Variants in TTC7A observed in about 807,000 individuals in gnomAD.
The protein encoded by TTC7A is tetratricopeptide repeat domain 7A.
Under a neutral mutation model 103.7 loss-of-function variants are expected in TTC7A, and 110 were observed. The observed-to-expected ratio is 1.06, with a 90% CI of 0.91 to 1.24. The LOEUF (loss-of-function observed/expected upper bound fraction) is 1.24. TTC7A is among the 50% of genes most tolerant of loss of function. TTC7A has a pLI of 0.00. For missense variants in TTC7A, 1,340 were observed against 1,116.3 expected (o/e 1.20, Z -2.86); for synonymous variants, 521 against 467.9 (o/e 1.11, Z -1.47).
At chr2:47,058,397 C>G (rs1271853351) in intron 18 of TTC7A, among the ~76,000 whole-genome samples, 11 of 152,206 alleles carry the variant, frequency 7.2e-5, no homozygotes. Context: ...GCTAAGTACC[C>G]CAGTGCCTGT....
intron 2 of TTC7A, among the ~76,000 whole-genome samples, chr2:46,919,403 C>A (rs1175571857): frequency 6.6e-6 from 1 of 152,080 alleles, no homozygotes; most frequent in Non-Finnish European, 1.5e-5. Flanking sequence ...TGTGGTGACG[C>A]ATGCTTGTAA....
In TTC7A at chr2:47,041,070, G is replaced by A. The variant is rs11895095; in HGVS notation, c.1803-5245G>A. The stretch of plus-strand genomic sequence containing the variant: ...GCCTTGCCCAGTGACTGTCCCCTGG[G>A]ATGGAGGCCCTCCACCCCCACCCCA... On this transcript the variant is annotated intron_variant, in intron 15 of 19. Transcript: ENST00000319190. Among the ~76,000 whole-genome samples, 1,130 of 152,312 alleles carry A rather than the reference G, an allele frequency of 7.4e-3. 14 individuals are homozygous for A. The highest frequency in any genetic ancestry group is 0.026 in the African/African-American group (1,063 of 41,564).
rs149958266 is a variant in TTC7A, at chr2:47,037,499, G to T, written c.1802+8115G>T. On this transcript the variant is annotated intron_variant, in intron 15 of 19. Coordinates refer to ENST00000319190, the MANE Select transcript of TTC7A (RefSeq NM_020458.4). ...GTCTTTACAGCACCCCTGTTTTGAA[G>T]ATGAAGAAACTAATGTGAAAGTTAG... Among the ~76,000 whole-genome samples the T allele has an allele frequency of 1.4e-3, 212 of 152,348 alleles. 1 individual carries two copies. The highest frequency in any genetic ancestry group is 4.8e-3 in the African/African-American group (200 of 41,580).
intron 11 of TTC7A, among the ~76,000 whole-genome samples, chr2:47,016,406 C>T (rs1450475331): frequency 6.6e-6 from 1 of 152,184 alleles, no homozygotes; most frequent in Non-Finnish European, 1.5e-5. Flanking sequence ...CTCCCTGTGC[C>T]CTCAGCGCCT....
chr2:46,919,920 G>T (rs1247173806), intron 2 of TTC7A, among the ~76,000 whole-genome samples: 1 of 152,228 alleles, frequency 6.6e-6, no homozygotes, highest in African/African-American at 2.4e-5. Flanking sequence ...TGTCAGCTGG[G>T]ATGGGGCTTT....
chr2:47,072,530 C>T (rs1165965307), intron 19 of TTC7A, among the ~76,000 whole-genome samples: 1 of 152,254 alleles, frequency 6.6e-6, no homozygotes, highest in Non-Finnish European at 1.5e-5. Context: ...AACAGAGGGC[C>T]TAACTCTGGG....
intron 2 of TTC7A, among the ~76,000 whole-genome samples, chr2:46,920,649 G>GAA (rs10713433): frequency 7.3e-6 from 1 of 136,320 alleles, no homozygotes; most frequent in Non-Finnish European, 1.6e-5. Context: ...AGGCTTTTTT[G>GAA]AAAAAAAAAA....
chr2:47,048,147 C>T (rs1682513925), intron 16 of TTC7A, among the ~76,000 whole-genome samples: 1 of 152,208 alleles, frequency 6.6e-6, no homozygotes, highest in African/African-American at 2.4e-5. Context: ...CCAGATGCCC[C>T]TCCTTCATGG....
chr2:47,065,837 T>TG (rs67677541), intron 19 of TTC7A: 112,229 of 151,976 alleles, frequency 0.74, 43,328 homozygotes, highest in East Asian at 0.88. Flanking sequence ...AGAGACAACT[T>TG]GACACCCTCA....
In TTC7A at chr2:47,074,001, G is replaced by T; in HGVS notation, c.*78G>T. ...GAACGTGGGTCAGGGTGGGGCAACA[G>T]TGGCATCAGGTGCGGGGCCTCAGGG... On this transcript the variant is annotated 3_prime_UTR_variant, in exon 20 of 20. Transcript: ENST00000319190. The T allele has an allele frequency of 8.9e-7, 1 of 1,128,968 alleles. No homozygotes were observed. The highest frequency in any genetic ancestry group is 1.4e-5 in the South Asian group (1 of 72,504). 69.9% of individuals were successfully genotyped at this position (1,128,968 alleles called of 1,614,324 possible).
intron 11 of TTC7A, among the ~76,000 whole-genome samples, chr2:47,016,847 C>G (rs1239018093): frequency 3.9e-5 from 6 of 152,090 alleles, no homozygotes; most frequent in African/African-American, 1.4e-4. Context: ...CTGATTAGAG[C>G]AATTTTTCCA....
At chr2:47,009,612 C>G (rs142161169) in intron 10 of TTC7A, among the ~76,000 whole-genome samples, 4 of 152,276 alleles carry the variant, frequency 2.6e-5, no homozygotes, top group Non-Finnish European at 4.4e-5. Flanking sequence ...CGGATCATAG[C>G]TGTGCACCTG....
Position 47,073,819 on chromosome 2 carries a change from G to T in TTC7A, c.2473G>T (p.Ala825Ser). 6.2e-7 allele frequency: 1 copy of T among 1,613,720 alleles called. No individual in the cohort carries two copies. The highest frequency in any genetic ancestry group is 8.5e-7 in the Non-Finnish European group (1 of 1,179,998). The part of the protein sequence containing the change: ...AWQGLGEVLQ[A>S]QGQNEAAVDC... ...GCAGGGCCTGGGCGAGGTGCTGCAG[G>T]CCCAGGGCCAGAACGAGGCTGCCGT... The change falls in exon 20 of 20, where the codon GCC becomes TCC. Residue 825 changes from alanine (A) to serine (S), a missense_variant. Ala to Ser is a moderately conservative substitution (Grantham distance 99). Transcript: ENST00000319190.
chr2:46,937,022 A>T (rs1264996815), upstream of TTC7A, among the ~76,000 whole-genome samples: 2 of 151,856 alleles, frequency 1.3e-5, no homozygotes, highest in Non-Finnish European at 2.9e-5. The surrounding 1 kb of genome is among the most constrained non-coding windows in gnomAD (Gnocchi z 4.0). Flanking sequence ...TGCCAGGCTA[A>T]TTTTTGTATT....
At chr2:46,963,101 C>A (rs745788684) in intron 3 of TTC7A, among the ~76,000 whole-genome samples, 1 of 152,206 alleles carries the variant, frequency 6.6e-6, no homozygotes, top group African/African-American at 2.4e-5. Context: ...GCAGTGAGAG[C>A]TGCAGCAGGG....
chr2:47,006,024 T>G lies in TTC7A; in HGVS notation c.1168T>G (p.Leu390Val). The G allele has an allele frequency of 6.2e-7, 1 of 1,613,306 alleles. No homozygotes were observed. The highest frequency in any genetic ancestry group is 8.5e-7 in the Non-Finnish European group (1 of 1,179,904). The change falls in exon 9 of 20, where the codon TTG becomes GTG. Residue 390 changes from leucine (L) to valine (V), a missense_variant. Transcript: ENST00000319190. The part of the protein sequence containing the change: ...AAIYDLLSIT[L>V]GRRGQYVMLS... ...CATCTATGACCTCCTGAGCATCACG[T>G]TGGGCAGAAGGGGACAGTACGTCAT...
intron 2 of TTC7A, among the ~76,000 whole-genome samples, chr2:46,952,523 G>A (rs1396276961): frequency 6.6e-6 from 1 of 152,220 alleles, no homozygotes; most frequent in Non-Finnish European, 1.5e-5. Flanking sequence ...AGGCTAAGGT[G>A]GGAGGATTGC....
intron 3 of TTC7A, among the ~76,000 whole-genome samples, chr2:46,958,254 G>A (rs560301045): frequency 2.4e-4 from 37 of 152,342 alleles, no homozygotes; most frequent in Admixed American, 3.9e-4. Flanking sequence ...AACCTGGCAA[G>A]ATGGTCACTG....
At chr2:46,952,238 C>T (rs1447333781) in intron 2 of TTC7A, among the ~76,000 whole-genome samples, 1 of 152,144 alleles carries the variant, frequency 6.6e-6, no homozygotes, top group East Asian at 1.9e-4. Flanking sequence ...TGACCCTGAG[C>T]ATGCTTGACC....
Sources: gnomAD v4.1 joint callset for allele counts (sites outside exome capture counted in the v4.1 genomes callset) on GRCh38, gnomAD v4.1.1 for gene constraint, Gnocchi (gnomAD v3.1) non-coding constraint, MANE v1.5 for transcripts, NCBI Gene and HGNC (gene_info 2026-07-23, HGNC 2026-07-21) for gene names.